The following WDR37 variants were observed in gnomAD, a reference collection of about 807,000 sequenced individuals.
WDR37 encodes WD repeat-containing protein 37.
In WDR37, 19 loss-of-function variants were observed where a neutral mutation model predicts 62.9. The ratio of observed to expected loss-of-function variants is 0.30; its 90% CI spans 0.21 to 0.44. The LOEUF (loss-of-function observed/expected upper bound fraction) is 0.44. Ranked by LOEUF, WDR37 falls within the 20% of genes least tolerant of loss-of-function variation. The pLI is 1.00. For missense variants in WDR37, 474 were observed against 657.6 expected (o/e 0.72, Z 3.05); for synonymous variants, 250 against 260.9 (o/e 0.96, Z 0.40).
At position 1,115,146 on chromosome 10, in the gene WDR37, C is replaced by G. The variant is rs1835349748; in HGVS notation, c.1104-9072C>G. Reference sequence around the variant, plus strand: ...GCAGGTGGCTCTGCCTTGTGCCGGGCTGGCAGTGTTTGCAATGCGGATAAA... The same window carrying G: ...GCAGGTGGCTCTGCCTTGTGCCGGGGTGGCAGTGTTTGCAATGCGGATAAA... On this transcript the variant is annotated intron_variant, in intron 11 of 13. Coordinates refer to ENST00000263150, the MANE Select transcript of WDR37 (RefSeq NM_014023.4). 2.6e-5 allele frequency among the ~76,000 whole-genome samples: 4 copies of G among 152,056 alleles called. No individual in the cohort carries two copies. The South Asian group carries it at 8.3e-4, about 32-fold the overall frequency.
chr10:1,103,942 G>C lies in WDR37; in HGVS notation c.961+106G>C. ...TACTTCTTGACCAGAATGAGTCTCTGTGTTCTTGGCTCTTCTGTGGTAATT... is the reference window on the plus strand; with the variant it reads ...TACTTCTTGACCAGAATGAGTCTCTCTGTTCTTGGCTCTTCTGTGGTAATT... On this transcript the variant is annotated intron_variant, in intron 10 of 13. Coordinates refer to ENST00000263150, the MANE Select transcript of WDR37 (RefSeq NM_014023.4). This position sits in a 1 kb window ranked among gnomAD's most constrained non-coding sequence, Gnocchi z 6.3. 1 of 1,134,856 alleles carries C rather than the reference G, an allele frequency of 8.8e-7. No individual in the cohort carries two copies. The highest frequency in any genetic ancestry group is 1.3e-6 in the Non-Finnish European group (1 of 795,224). The allele number at this position is 1,134,856 out of a possible 1,614,324, so 70.3% of individuals were successfully genotyped here.
rs1835944541 is a variant in WDR37 at position 1,131,444 on chromosome 10, ACT to A, written c.*2101_*2102del. On this transcript the variant is annotated 3_prime_UTR_variant, in exon 14 of 14. Coordinates refer to ENST00000263150, the MANE Select transcript of WDR37 (RefSeq NM_014023.4). ...TTAAAAGTCAATATTCCTAGTGGCC[ACT>A]GAGTTCCAGGCACACTGGTGCCCTT... 1 of 152,282 alleles carries A rather than the reference ACT, an allele frequency of 6.6e-6. No individual in the cohort carries two copies. The highest frequency in any genetic ancestry group is 2.4e-5 in the African/African-American group (1 of 41,474). 9.4% of individuals were successfully genotyped at this position (152,282 alleles called of 1,614,324 possible). A position where few individuals can be genotyped will look rare whatever the true frequency, so the allele number is the denominator to read the frequency against.
intron 1 of WDR37, among the ~76,000 whole-genome samples, chr10:1,067,545 A>G (rs1302546794): frequency 2.0e-5 from 3 of 152,236 alleles, no homozygotes; most frequent in African/African-American, 4.8e-5. Context: ...ACTATAGAGT[A>G]TGTAAAGAAC....
rs111853084 is a variant in WDR37, at chr10:1,121,547, C to T, written c.1104-2671C>T. Among the ~76,000 whole-genome samples the T allele has an allele frequency of 1.4e-4, 22 of 152,300 alleles. 1 individual carries two copies. The highest frequency in any genetic ancestry group is 4.3e-4 in the African/African-American group (18 of 41,554). On this transcript the variant is annotated intron_variant, in intron 11 of 13. Transcript: ENST00000263150. The surrounding 1 kb of genome is among the most constrained non-coding windows in gnomAD (Gnocchi z 4.5). ...CTCTGCCCATGCTGCTCTCGTAACCCGTGCTGCTCTCGTTACCCAGGCTGG... is the reference window on the plus strand; with the variant it reads ...CTCTGCCCATGCTGCTCTCGTAACCTGTGCTGCTCTCGTTACCCAGGCTGG...
chr10:1,066,528 A>G (rs1833559880), intron 1 of WDR37, among the ~76,000 whole-genome samples: 1 of 152,242 alleles, frequency 6.6e-6, no homozygotes, highest in Admixed American at 6.5e-5. Flanking sequence ...ATTTCTCCCC[A>G]GATTGATGTA....
intron 1 of WDR37, among the ~76,000 whole-genome samples, chr10:1,066,863 C>T (rs1380985287): frequency 1.3e-5 from 2 of 152,220 alleles, no homozygotes; most frequent in African/African-American, 2.4e-5. Flanking sequence ...GAGTCACATT[C>T]TGCGTGGATG....
intron 11 of WDR37, among the ~76,000 whole-genome samples, chr10:1,108,675 C>T (rs560033527): frequency 2.6e-5 from 4 of 151,456 alleles, no homozygotes; most frequent in African/African-American, 7.3e-5. Flanking sequence ...AGCATAGACA[C>T]CTGCACTTTG....
intron 2 of WDR37, 38 bp from the exon 3 acceptor site, chr10:1,077,865 TTTCA>T (rs766944740): frequency 9.5e-5 from 138 of 1,456,162 alleles, no homozygotes; most frequent in African/African-American, 2.3e-4. Context: ...ACTTAGAGTT[TTTCA>T]TTCATTCATT....
rs1184598058 is a variant in WDR37 at position 1,093,102 on chromosome 10, T to A, written c.605-350T>A. On this transcript the variant is annotated intron_variant, in intron 7 of 13. Transcript: ENST00000263150. ...GGGGCTTATGGTAATAAATTGTGTC[T>A]GCCACACTATAATTTGTCTTCACCC... Among the ~76,000 whole-genome samples the A allele has an allele frequency of 2.0e-5, 3 of 152,116 alleles. No homozygotes were observed. In the East Asian group the frequency reaches 5.8e-4, roughly 29 times the overall value.
At chr10:1,064,789 A>T in intron 1 of WDR37, among the ~76,000 whole-genome samples, 1 of 151,766 alleles carries the variant, frequency 6.6e-6, no homozygotes, top group East Asian at 1.9e-4. Context: ...ACGGGGTTTC[A>T]CCATGTTAGC....
chr10:1,091,906 C>T (rs985448885), intron 7 of WDR37, among the ~76,000 whole-genome samples: 7 of 151,984 alleles, frequency 4.6e-5, no homozygotes, highest in Non-Finnish European at 8.8e-5. Context: ...ATAGGCCGGG[C>T]GCGGTGGCTC....
At chr10:1,057,155 A>G (rs10047383) in intron 1 of WDR37, among the ~76,000 whole-genome samples, 187 bp downstream of exon 1, 16,725 of 151,406 alleles carry the variant, frequency 0.11, 1,111 homozygotes, top group African/African-American at 0.19. Context: ...TCCCTGGAGG[A>G]CCCGTGGCGG....
intron 1 of WDR37, among the ~76,000 whole-genome samples, chr10:1,069,228 G>A (rs1177075488): frequency 6.6e-6 from 1 of 151,762 alleles, no homozygotes; most frequent in Non-Finnish European, 1.5e-5. Flanking sequence ...TTTTTTTAAA[G>A]CTAAATATAC....
At chr10:1,071,852 A>G (rs1262988831) in intron 1 of WDR37, among the ~76,000 whole-genome samples, 1 of 152,046 alleles carries the variant, frequency 6.6e-6, no homozygotes, top group Non-Finnish European at 1.5e-5. Flanking sequence ...GTTAAGGGAG[A>G]GCAATTTTTT....
intron 5 of WDR37, among the ~76,000 whole-genome samples, chr10:1,082,532 C>T (rs1027435171): frequency 5.3e-5 from 8 of 152,202 alleles, no homozygotes; most frequent in Admixed American, 2.0e-4. Context: ...GCAGTTCAAA[C>T]GATCTGGGAT....
At chr10:1,069,389 A>ATATATATATTTT in intron 1 of WDR37, among the ~76,000 whole-genome samples, 1,034 of 95,624 alleles carry the variant, frequency 0.011, 40 homozygotes, top group African/African-American at 0.042. Flanking sequence ...ATATATATAT[A>ATATATATATTTT]TTTTTTTTTT....
rs562430492 is a variant in WDR37, at chr10:1,100,652, T to C, written c.727-2950T>C. 1.8e-3 allele frequency among the ~76,000 whole-genome samples: 268 copies of C among 152,340 alleles called. 1 individual carries two copies. The highest frequency in any genetic ancestry group is 6.2e-3 in the African/African-American group (258 of 41,572). On this transcript the variant is annotated intron_variant, in intron 9 of 13. Transcript: ENST00000263150. Reference sequence around the variant, plus strand: ...TTTGGGTGGCGTAGTGGAAACAGACTTAGACCAACAGAATGACTGTCACAT... The same window carrying C: ...TTTGGGTGGCGTAGTGGAAACAGACCTAGACCAACAGAATGACTGTCACAT...
chr10:1,071,093 ATT>A (rs1014458256), intron 1 of WDR37, among the ~76,000 whole-genome samples: 8 of 152,224 alleles, frequency 5.3e-5, no homozygotes, highest in Non-Finnish European at 1.0e-4. Context: ...CCTTATGTGT[ATT>A]TTAAAGGTTA....
intron 5 of WDR37, among the ~76,000 whole-genome samples, chr10:1,080,883 G>A (rs564103503): frequency 6.6e-6 from 1 of 151,260 alleles, no homozygotes; most frequent in Non-Finnish European, 1.5e-5. Context: ...TCTAGCCTGG[G>A]CAACAGAGCG....
Sources: allele counts gnomAD v4.1 joint callset (sites outside exome capture counted in the v4.1 genomes callset), GRCh38; gene constraint gnomAD v4.1.1; non-coding constraint Gnocchi (gnomAD v3.1); transcripts MANE v1.5; gene names NCBI Gene and HGNC (gene_info 2026-07-23, HGNC 2026-07-21).